Variants in PLS1 observed in about 807,000 individuals in gnomAD.
PLS1 encodes the protein plastin-1.
PLS1 carries 32 observed loss-of-function variants against 73.7 expected under a neutral mutation model. The observed-to-expected ratio is 0.43, with a 90% CI of 0.33 to 0.58. PLS1 has a LOEUF of 0.58. Ranked by LOEUF, PLS1 falls within the 20% of genes least tolerant of loss-of-function variation. The pLI is 0.04. For missense variants in PLS1, 633 were observed against 740.5 expected (o/e 0.85, Z 1.68); for synonymous variants, 217 against 261.3 (o/e 0.83, Z 1.63).
chr3:142,599,410 A>G (rs2035874499), intron 1 of PLS1, among the ~76,000 whole-genome samples: 1 of 148,034 alleles, frequency 6.8e-6, no homozygotes, highest in Admixed American at 6.8e-5. Context: ...GCTCACTGCA[A>G]GCTCCGCTTC....
At chr3:142,686,409 G>T (rs1269226534) in intron 9 of PLS1, 33 bp downstream of exon 9, 2 of 1,251,602 alleles carry the variant, frequency 1.6e-6, no homozygotes, top group South Asian at 2.4e-5. Context: ...AAAATATATT[G>T]TGGTAAAACA....
chr3:142,685,380 A>C (rs1430239716), intron 8 of PLS1, among the ~76,000 whole-genome samples: 6 of 152,238 alleles, frequency 3.9e-5, no homozygotes, highest in Admixed American at 6.5e-5. Flanking sequence ...GCTATATAGC[A>C]AATTATGCAA....
chr3:142,677,331 GACAAAACT>G (rs1414122607), intron 5 of PLS1, among the ~76,000 whole-genome samples: 1 of 152,054 alleles, frequency 6.6e-6, no homozygotes, highest in Admixed American at 6.6e-5. Flanking sequence ...GTGAAATAAA[GACAAAACT>G]AACATAAAGA....
At chr3:142,652,388 T>G (rs2037116603) in intron 1 of PLS1, among the ~76,000 whole-genome samples, 1 of 152,200 alleles carries the variant, frequency 6.6e-6, no homozygotes, top group Admixed American at 6.5e-5. Flanking sequence ...ACTTTGCACC[T>G]TTTATATATA....
intron 1 of PLS1, among the ~76,000 whole-genome samples, chr3:142,652,588 G>C (rs2037122052): frequency 6.6e-6 from 1 of 152,136 alleles, no homozygotes; most frequent in Non-Finnish European, 1.5e-5. Flanking sequence ...TAGGAGGCGG[G>C]GGAACCAAGG....
intron 2 of PLS1, among the ~76,000 whole-genome samples, chr3:142,667,652 C>A (rs1277958874): frequency 6.6e-6 from 1 of 152,122 alleles, no homozygotes; most frequent in Non-Finnish European, 1.5e-5. Context: ...GCTTAAGCCC[C>A]CATATCTGTC....
Position 142,691,060 on chromosome 3 carries a change from C to A in PLS1, c.1177+1247C>A, listed in dbSNP as rs1208070658. Among the ~76,000 whole-genome samples the A allele has an allele frequency of 2.0e-5, 3 of 151,990 alleles. No homozygotes were observed. The East Asian group carries it at 5.8e-4, about 29-fold the overall frequency. The stretch of plus-strand genomic sequence containing the variant: ...TTCTCTCACAAAACTCACACTTATC[C>A]CTTCTTTCCCAGTGAGACAGAATGA... On this transcript the variant is annotated intron_variant, in intron 10 of 15. Coordinates refer to ENST00000457734, the MANE Select transcript of PLS1 (RefSeq NM_001145319.2).
chr3:142,634,005 C>A (rs777597118), intron 1 of PLS1, among the ~76,000 whole-genome samples: 1 of 152,106 alleles, frequency 6.6e-6, no homozygotes, highest in Non-Finnish European at 1.5e-5. Flanking sequence ...CGAATTCAAA[C>A]GTCTAGAGAT....
intron 10 of PLS1, among the ~76,000 whole-genome samples, chr3:142,690,930 C>T (rs1407126590): frequency 6.6e-6 from 1 of 151,776 alleles, no homozygotes; most frequent in Admixed American, 6.6e-5. Context: ...CAGAGGAAGG[C>T]GCCAATCTTA....
At chr3:142,622,205 T>A (rs1158684289) in intron 1 of PLS1, among the ~76,000 whole-genome samples, 2 of 152,220 alleles carry the variant, frequency 1.3e-5, no homozygotes, top group East Asian at 3.8e-4. Context: ...CCTTCTTCAA[T>A]ACAGATGTCC....
intron 10 of PLS1, among the ~76,000 whole-genome samples, chr3:142,692,409 T>C (rs1167957233): frequency 2.6e-5 from 4 of 152,176 alleles, no homozygotes; most frequent in Non-Finnish European, 5.9e-5. Context: ...TTTAGCTGTC[T>C]ATAATCCAGA....
intron 1 of PLS1, among the ~76,000 whole-genome samples, chr3:142,630,420 C>CAAAA (rs71153980): frequency 1.8e-5 from 2 of 110,334 alleles, no homozygotes; most frequent in Non-Finnish European, 1.8e-5. Context: ...GACCCTGCCT[C>CAAAA]AAAAAAAAAA....
chr3:142,646,495 G>T (rs1302785366), intron 1 of PLS1, among the ~76,000 whole-genome samples: 1 of 152,236 alleles, frequency 6.6e-6, no homozygotes, highest in Non-Finnish European at 1.5e-5. Context: ...GAAGGCAAAT[G>T]AGTATAGGAA....
intron 2 of PLS1, among the ~76,000 whole-genome samples, chr3:142,667,132 G>C (rs750782431): frequency 1.3e-5 from 2 of 152,172 alleles, no homozygotes; most frequent in African/African-American, 2.4e-5. Context: ...AATTTCATGA[G>C]ATGGCCGGGT....
intron 12 of PLS1, among the ~76,000 whole-genome samples, chr3:142,702,693 G>C (rs1005473230): frequency 1.2e-4 from 19 of 152,120 alleles, no homozygotes; most frequent in African/African-American, 4.6e-4. Context: ...AGTAGATGAT[G>C]CAGGTAAAAA....
intron 5 of PLS1, 72 bp downstream of exon 5, chr3:142,676,361 A>G (rs1026876317): frequency 5.0e-6 from 7 of 1,387,706 alleles, no homozygotes; most frequent in Non-Finnish European, 7.0e-6. Context: ...TGAAAACTCC[A>G]ATTCAGCTGT....
intron 1 of PLS1, among the ~76,000 whole-genome samples, chr3:142,599,668 G>T (rs1054396100): frequency 1.3e-5 from 2 of 152,150 alleles, no homozygotes; most frequent in Non-Finnish European, 2.9e-5. Context: ...ATAGCCAGAA[G>T]CTCTGTTCAA....
intron 1 of PLS1, among the ~76,000 whole-genome samples, chr3:142,609,513 C>T (rs150442762): frequency 3.2e-4 from 49 of 152,290 alleles, no homozygotes; most frequent in Non-Finnish European, 6.8e-4. Flanking sequence ...AAGCTCATCA[C>T]CCTGCTTAAT....
chr3:142,686,222 T>A, intron 8 of PLS1, 62 bp from the exon 9 acceptor site: 1 of 969,710 alleles, frequency 1.0e-6, no homozygotes, highest in South Asian at 1.4e-5. Context: ...GCACTTGTTT[T>A]CCCTAAATTC....
Sources: allele counts gnomAD v4.1 joint callset (sites outside exome capture counted in the v4.1 genomes callset), GRCh38; gene constraint gnomAD v4.1.1; transcripts MANE v1.5; gene names NCBI Gene and HGNC (gene_info 2026-07-23, HGNC 2026-07-21).